The following BRINP3 variants were observed in gnomAD, a reference collection of about 807,000 sequenced individuals.
BRINP3 encodes BMP/retinoic acid-inducible neural-specific protein 3.
In BRINP3, 19 loss-of-function variants were observed where a neutral mutation model predicts 71.0. The observed-to-expected ratio is 0.27, with a 90% CI of 0.19 to 0.39. The LOEUF (loss-of-function observed/expected upper bound fraction) is 0.39. BRINP3 is among the 10% of genes least tolerant of loss of function. The pLI is 1.00. For synonymous variants in BRINP3, 380 were observed against 337.7 expected (o/e 1.13, Z -1.37); for missense variants, 959 against 940.8 (o/e 1.02, Z -0.25).
chr1:190,186,075 T>TA (rs1302927698), intron 6 of BRINP3, among the ~76,000 whole-genome samples: 4 of 152,076 alleles, frequency 2.6e-5, no homozygotes, highest in Non-Finnish European at 2.9e-5. Context: ...TATATATATA[T>TA]TTTTTAAATT....
intron 2 of BRINP3, among the ~76,000 whole-genome samples, chr1:190,415,722 A>G (rs116302245): frequency 0.019 from 2,938 of 152,152 alleles, 65 homozygotes; most frequent in Middle Eastern, 0.061. Flanking sequence ...GCAATATAGC[A>G]AGACCCCTTA....
At chr1:190,115,056 A>G (rs887223791) in intron 7 of BRINP3, among the ~76,000 whole-genome samples, 8 of 151,946 alleles carry the variant, frequency 5.3e-5, no homozygotes, top group African/African-American at 1.9e-4. Context: ...CTGCTTTTAA[A>G]TGTGTTTCTT....
At chr1:190,251,408 A>G (rs1660128941) in intron 4 of BRINP3, among the ~76,000 whole-genome samples, 1 of 152,016 alleles carries the variant, frequency 6.6e-6, no homozygotes, top group African/African-American at 2.4e-5. Flanking sequence ...TTAAACTGAT[A>G]CATAGAGATG....
intron 2 of BRINP3, among the ~76,000 whole-genome samples, chr1:190,362,493 T>A (rs930347062): frequency 6.6e-6 from 1 of 152,176 alleles, no homozygotes; most frequent in Admixed American, 6.6e-5. Flanking sequence ...AGCAAAAGCA[T>A]CACTATTCAC....
intron 2 of BRINP3, among the ~76,000 whole-genome samples, chr1:190,387,722 C>T (rs996223969): frequency 1.3e-5 from 2 of 151,814 alleles, no homozygotes; most frequent in African/African-American, 4.8e-5. Context: ...TGTAGCAATG[C>T]TCAGTCTTAA....
chr1:190,395,023 A>T (rs1671481041), intron 2 of BRINP3, among the ~76,000 whole-genome samples: 1 of 151,728 alleles, frequency 6.6e-6, no homozygotes, highest in South Asian at 2.1e-4. Context: ...AATACACAAA[A>T]GTTTATAAAA....
chr1:190,164,366 A>T (rs1296927336), intron 6 of BRINP3, among the ~76,000 whole-genome samples: 1 of 152,154 alleles, frequency 6.6e-6, no homozygotes, highest in Non-Finnish European at 1.5e-5. Context: ...TAAATCAACT[A>T]AAATAACTCA....
chr1:190,396,065 G>A (rs551675873), intron 2 of BRINP3, among the ~76,000 whole-genome samples: 2 of 151,880 alleles, frequency 1.3e-5, no homozygotes, highest in Admixed American at 6.6e-5. Flanking sequence ...GTGACACAGG[G>A]TTCTGAATAT....
In BRINP3 at chr1:190,158,304, C is replaced by T. The variant is rs553755262; in HGVS notation, c.1184+2364G>A. 1.1e-4 allele frequency among the ~76,000 whole-genome samples: 17 copies of T among 152,152 alleles called. No homozygotes were observed. The South Asian group carries it at 3.5e-3, about 32-fold the overall frequency. Reference sequence around the variant, plus strand: ...CTTGTCTTCTGCCATGATTGTGAGGCCTCCACCAGCCATGTGGAACTGTAA... The same window carrying T: ...CTTGTCTTCTGCCATGATTGTGAGGTCTCCACCAGCCATGTGGAACTGTAA... On this transcript the variant is annotated intron_variant, in intron 7 of 7. Transcript: ENST00000367462.
At chr1:190,460,583 A>C (rs538043588) in intron 1 of BRINP3, among the ~76,000 whole-genome samples, 1 of 152,314 alleles carries the variant, frequency 6.6e-6, no homozygotes, top group African/African-American at 2.4e-5. Flanking sequence ...TATCATGATA[A>C]GTTTTGAGAC....
At chr1:190,286,119 T>C (rs773899983) in intron 2 of BRINP3, among the ~76,000 whole-genome samples, 3 of 152,180 alleles carry the variant, frequency 2.0e-5, no homozygotes, top group Non-Finnish European at 4.4e-5. Context: ...AGAACATTAC[T>C]TTGAAAATAT....
At position 190,400,695 on chromosome 1, in the gene BRINP3, A is replaced by G. The variant is rs563611471; in HGVS notation, c.236+53960T>C. Among the ~76,000 whole-genome samples the G allele has an allele frequency of 2.0e-5, 3 of 152,266 alleles. No homozygotes were observed. The East Asian group carries it at 5.8e-4, about 29-fold the overall frequency. ...CTCATATCTCCATAACAAAACACTA[A>G]TTTTGTTCATTTGTCTACTCTATCC... On this transcript the variant is annotated intron_variant, in intron 2 of 7. Transcript: ENST00000367462.
At chr1:190,390,829 T>C (rs1264909766) in intron 2 of BRINP3, among the ~76,000 whole-genome samples, 2 of 151,610 alleles carry the variant, frequency 1.3e-5, no homozygotes, top group Non-Finnish European at 2.9e-5. Context: ...TGACCTGGAG[T>C]CCTACAGTCT....
At chr1:190,233,416 A>G (rs970645741) in intron 5 of BRINP3, among the ~76,000 whole-genome samples, 1 of 152,102 alleles carries the variant, frequency 6.6e-6, no homozygotes, top group African/African-American at 2.4e-5. Flanking sequence ...CCTGGCTTCA[A>G]CTGATCTTCC....
In BRINP3 at chr1:190,281,662, G is replaced by T; in HGVS notation, c.325C>A (p.Arg109Ser). Reference sequence around the variant, plus strand: ...CGACGTCCCAAAAGTCTTATGTTGCGGAAGAATTCAGGGGCAAGAGGCAGA... The same window carrying T: ...CGACGTCCCAAAAGTCTTATGTTGCTGAAGAATTCAGGGGCAAGAGGCAGA... Reference protein sequence around the residue: ...SPLPLAPEFFRNIRLLGRRPT... With the variant: ...SPLPLAPEFFSNIRLLGRRPT... The change falls in exon 3 of 8, where the codon CGC becomes AGC. Residue 109 changes from arginine to serine, a missense_variant. Arg to Ser is a moderately radical substitution (Grantham distance 110, BLOSUM62 -1). Coordinates refer to ENST00000367462, the MANE Select transcript of BRINP3 (RefSeq NM_199051.3). 2 of 1,612,910 alleles carry T rather than the reference G, an allele frequency of 1.2e-6. No individual in the cohort carries two copies. Among genetic ancestry groups the T allele is most frequent in the Non-Finnish European group, 1.7e-6 (2 of 1,179,322 alleles).
chr1:190,104,098 C>T (rs761677330), intron 7 of BRINP3, among the ~76,000 whole-genome samples: 37 of 151,856 alleles, frequency 2.4e-4, no homozygotes, highest in Non-Finnish European at 3.4e-4. Flanking sequence ...AGTTTTGTTT[C>T]ACAGAATAAT....
At chr1:190,313,779 G>A (rs1665694715) in intron 2 of BRINP3, among the ~76,000 whole-genome samples, 1 of 151,986 alleles carries the variant, frequency 6.6e-6, no homozygotes, top group Admixed American at 6.6e-5. Flanking sequence ...CAGACATATA[G>A]CTATTAAGAC....
intron 2 of BRINP3, among the ~76,000 whole-genome samples, chr1:190,303,845 A>G (rs1201318052): frequency 6.6e-6 from 1 of 151,798 alleles, no homozygotes; most frequent in Non-Finnish European, 1.5e-5. Flanking sequence ...GGTTAGATAA[A>G]GTAAATATTT....
chr1:190,099,211 T>G (rs963448813), intron 7 of BRINP3, 77 bp from the exon 8 acceptor site: 23 of 1,399,676 alleles, frequency 1.6e-5, no homozygotes, highest in Non-Finnish European at 2.0e-5. Flanking sequence ...AGCTCAGAAA[T>G]CTTTGCTATC....
Sources: gnomAD v4.1 joint callset for allele counts (sites outside exome capture counted in the v4.1 genomes callset) on GRCh38, gnomAD v4.1.1 for gene constraint, MANE v1.5 for transcripts, NCBI Gene and HGNC (gene_info 2026-07-23, HGNC 2026-07-21) for gene names.